The following CCDC122 variants were observed in gnomAD, a reference collection of about 807,000 sequenced individuals.
CCDC122 encodes coiled-coil domain-containing protein 122.
A neutral mutation model predicts 37.0 loss-of-function variants in CCDC122; 38 were observed. The observed-to-expected ratio is 1.03, with a 90% CI of 0.79 to 1.35. CCDC122 has a LOEUF of 1.35. Among genes scored for constraint, CCDC122 ranks in the 40% most tolerant of loss-of-function variants. The pLI is 0.00. For synonymous variants in CCDC122, 83 were observed against 95.6 expected (o/e 0.87, Z 0.77); for missense variants, 305 against 310.0 (o/e 0.98, Z 0.12).
At chr13:43,876,738 T>C (rs919073809) in intron 1 of CCDC122, among the ~76,000 whole-genome samples, 3 of 152,182 alleles carry the variant, frequency 2.0e-5, no homozygotes, top group Non-Finnish European at 4.4e-5. Context: ...ACCAATGAAA[T>C]AGTGTGGAAA....
intron 3 of CCDC122, among the ~76,000 whole-genome samples, chr13:43,825,283 A>C (rs903868169): frequency 1.3e-5 from 2 of 152,214 alleles, no homozygotes; most frequent in African/African-American, 4.8e-5. Context: ...CCACCATTCT[A>C]AGTGAATTAA....
At chr13:43,859,020 CATTAGA>C in intron 5 of CCDC122, 123 bp from the exon 6 acceptor site, 1 of 740,288 alleles carries the variant, frequency 1.4e-6, no homozygotes, top group Non-Finnish European at 2.0e-6. Context: ...TGATAAATAG[CATTAGA>C]ATATTACTTC....
chr13:43,832,340 T>C (rs534000944), downstream of CCDC122, among the ~76,000 whole-genome samples: 4 of 152,270 alleles, frequency 2.6e-5, no homozygotes, highest in South Asian at 2.1e-4. Flanking sequence ...CACGTTCTTC[T>C]GAATTCCTGA....
At chr13:43,879,353 A>C (rs1268853962) in intron 1 of CCDC122, 1 of 153,350 alleles carries the variant, frequency 6.5e-6, no homozygotes, top group Non-Finnish European at 1.4e-5. Flanking sequence ...TCCCTCCTCA[A>C]GGGGCCCCTA....
chr13:43,850,456 A>G (rs990209934), intron 6 of CCDC122, among the ~76,000 whole-genome samples: 1 of 152,224 alleles, frequency 6.6e-6, no homozygotes, highest in Non-Finnish European at 1.5e-5. Flanking sequence ...TAAAAAATAG[A>G]AAGTCTGAGC....
intron 6 of CCDC122, among the ~76,000 whole-genome samples, chr13:43,851,555 G>A (rs1285641742): frequency 6.6e-6 from 1 of 152,158 alleles, no homozygotes; most frequent in African/African-American, 2.4e-5. Flanking sequence ...TGTAGTGAAT[G>A]CCCGCAGGGA....
rs969856272 is a variant in CCDC122, at chr13:43,861,337, G to A, written c.157-1267C>T. On this transcript the variant is annotated intron_variant, in intron 4 of 6. Transcript: ENST00000444614. ...AAACCCAGAGTCAAGGGGTGGAAGTGTGTCCATCCATTATGGGAAAGCATT... is the reference window on the plus strand; with the variant it reads ...AAACCCAGAGTCAAGGGGTGGAAGTATGTCCATCCATTATGGGAAAGCATT... 8.5e-5 allele frequency among the ~76,000 whole-genome samples: 13 copies of A among 152,300 alleles called. No homozygotes were observed. The East Asian group carries it at 2.5e-3, about 29-fold the overall frequency.
intron 3 of CCDC122, among the ~76,000 whole-genome samples, chr13:43,829,885 A>AT (rs1330805420): frequency 6.6e-6 from 1 of 151,934 alleles, no homozygotes; most frequent in Non-Finnish European, 1.5e-5. Context: ...TTATTTATTA[A>AT]TTTTTTTAAA....
intron 6 of CCDC122, among the ~76,000 whole-genome samples, chr13:43,853,299 C>T (rs905760821): frequency 2.6e-5 from 4 of 152,010 alleles, no homozygotes; most frequent in Non-Finnish European, 4.4e-5. Flanking sequence ...GAAAATCCAC[C>T]AAGCAAATGG....
chr13:43,864,149 ATAT>A (rs1954199981), intron 4 of CCDC122, among the ~76,000 whole-genome samples: 1 of 152,112 alleles, frequency 6.6e-6, no homozygotes, highest in African/African-American at 2.4e-5. Flanking sequence ...AAATCAATTG[ATAT>A]GTGTGGGGCT....
At chr13:43,819,336 G>A (rs1348884062), downstream of CCDC122, among the ~76,000 whole-genome samples, 1 of 152,144 alleles carries the variant, frequency 6.6e-6, no homozygotes, top group African/African-American at 2.4e-5. Flanking sequence ...TCCACTTCTA[G>A]GAGTCTATTC....
chr13:43,871,037 C>T (rs1047768794), intron 2 of CCDC122, among the ~76,000 whole-genome samples: 2 of 152,102 alleles, frequency 1.3e-5, no homozygotes, highest in Admixed American at 6.6e-5. Flanking sequence ...AAAACTTCGT[C>T]CTCCTTACAC....
Position 43,845,353 on chromosome 13 carries a change from C to T in CCDC122, c.673-7924G>A, listed in dbSNP as rs1194125714. Among the ~76,000 whole-genome samples the T allele has an allele frequency of 2.6e-5, 4 of 152,150 alleles. No homozygotes were observed. In the South Asian group the frequency reaches 8.3e-4, roughly 32 times the overall value. ...CTTTTGAATTACTCAAAAAAAGACC[C>T]ATCTCTTTATCTACATATTTTCCAT... On this transcript the variant is annotated intron_variant, in intron 6 of 6. Coordinates refer to ENST00000444614, the MANE Select transcript of CCDC122 (RefSeq NM_144974.5).
downstream of CCDC122, among the ~76,000 whole-genome samples, chr13:43,834,447 A>T (rs1953120773): frequency 1.3e-5 from 2 of 152,246 alleles, no homozygotes; most frequent in Admixed American, 1.3e-4. Flanking sequence ...ACAAAAGCCA[A>T]AATTGACAAA....
chr13:43,838,027 G>A (rs990090300), intron 6 of CCDC122, among the ~76,000 whole-genome samples: 6 of 152,074 alleles, frequency 3.9e-5, no homozygotes, highest in Non-Finnish European at 7.4e-5. Flanking sequence ...CAGACATTGA[G>A]CCATTGAGAG....
chr13:43,850,030 T>C, intron 6 of CCDC122, among the ~76,000 whole-genome samples: 1 of 152,184 alleles, frequency 6.6e-6, no homozygotes, highest in East Asian at 1.9e-4. Flanking sequence ...TCACCAGGAC[T>C]CAGTAGTAAC....
At chr13:43,873,371 T>A (rs553443721) in intron 2 of CCDC122, among the ~76,000 whole-genome samples, 1 of 152,168 alleles carries the variant, frequency 6.6e-6, no homozygotes, top group Non-Finnish European at 1.5e-5. Flanking sequence ...GATTCCTCTG[T>A]CCACTCTATT....
At chr13:43,829,241 T>C (rs1316675262) in intron 3 of CCDC122, among the ~76,000 whole-genome samples, 1 of 152,224 alleles carries the variant, frequency 6.6e-6, no homozygotes, top group Non-Finnish European at 1.5e-5. Flanking sequence ...CACACTATTA[T>C]GCTAGTGTTT....
chr13:43,853,059 C>T (rs907494464), intron 6 of CCDC122, among the ~76,000 whole-genome samples: 1 of 152,160 alleles, frequency 6.6e-6, no homozygotes, highest in Non-Finnish European at 1.5e-5. Flanking sequence ...ACTAGTTACA[C>T]TATAAGGCAA....
Sources: allele counts gnomAD v4.1 joint callset (sites outside exome capture counted in the v4.1 genomes callset), GRCh38; gene constraint gnomAD v4.1.1; transcripts MANE v1.5; gene names NCBI Gene and HGNC (gene_info 2026-07-23, HGNC 2026-07-21).